LEO1: variants seen among roughly 807,000 people sequenced by gnomAD.
LEO1 encodes the protein LEO1 component of Paf1/RNA polymerase II complex, also known as RNA polymerase-associated protein LEO1.
In LEO1, 34 loss-of-function variants were observed where a neutral mutation model predicts 80.4. The ratio of observed to expected loss-of-function variants is 0.42; its 90% CI spans 0.32 to 0.56. The LOEUF is 0.56. LEO1 is among the 20% of genes least tolerant of loss of function. LEO1 has a pLI of 0.10. For synonymous variants in LEO1, 262 were observed against 274.9 expected (o/e 0.95, Z 0.46); for missense variants, 631 against 814.2 (o/e 0.77, Z 2.74).
intron 2 of LEO1, among the ~76,000 whole-genome samples, chr15:51,963,179 G>A (rs2057045221): frequency 6.6e-6 from 1 of 152,100 alleles, no homozygotes; most frequent in East Asian, 1.9e-4. Flanking sequence ...AGGAGGCTGA[G>A]GCAAGAGAAT....
chr15:51,963,472 A>G (rs1466559375), intron 2 of LEO1, among the ~76,000 whole-genome samples: 1 of 152,172 alleles, frequency 6.6e-6, no homozygotes, highest in East Asian at 1.9e-4. Flanking sequence ...CAACAGAACC[A>G]CTGTTGAACT....
intron 7 of LEO1, among the ~76,000 whole-genome samples, chr15:51,954,156 C>T (rs2056969945): frequency 6.6e-6 from 1 of 151,454 alleles, no homozygotes; most frequent in Non-Finnish European, 1.5e-5. Context: ...AACTCCTGAC[C>T]TCGTGATCCA....
chr15:51,957,458 C>T (rs184756218), intron 6 of LEO1, among the ~76,000 whole-genome samples: 3 of 151,180 alleles, frequency 2.0e-5, no homozygotes, highest in African/African-American at 7.3e-5. Flanking sequence ...GGAGGGAGGA[C>T]AGGAAAAAAA....
At chr15:51,969,028 G>C (rs947180730) in intron 1 of LEO1, among the ~76,000 whole-genome samples, 1 of 152,100 alleles carries the variant, frequency 6.6e-6, no homozygotes, top group African/African-American at 2.4e-5. Context: ...GAGTACAGTG[G>C]TGCAATCTTG....
chr15:51,944,568 C>T (rs995357508), intron 11 of LEO1, among the ~76,000 whole-genome samples: 1 of 152,014 alleles, frequency 6.6e-6, no homozygotes, highest in Admixed American at 6.6e-5. Flanking sequence ...AATAATCATG[C>T]TGTCTGGTAC....
At chr15:51,961,392 G>A (rs532734177) in intron 3 of LEO1, among the ~76,000 whole-genome samples, 9 of 151,084 alleles carry the variant, frequency 6.0e-5, no homozygotes, top group African/African-American at 2.0e-4. Flanking sequence ...TGGTGGTTGC[G>A]GTTGTTGTTG....
Position 51,966,046 on chromosome 15 carries a change from C to G in LEO1, c.517G>C (p.Glu173Gln). ...TCGTCAGAATTCTGCAGCTTATCTTCATCAGATCCTTGTGCCCTCTCCTCA... is the reference window on the plus strand; with the variant it reads ...TCGTCAGAATTCTGCAGCTTATCTTGATCAGATCCTTGTGCCCTCTCCTCA... ...DDEERAQGSD[E>Q]DKLQNSDDDE... The change falls in exon 2 of 12, where the codon GAA becomes CAA. Residue 173 changes from glutamate to glutamine, a missense_variant. Around this residue, in one of 4 missense-constraint regions of LEO1, gnomAD observed 394 missense variants for 395.6 expected, o/e 1.00. Transcript: ENST00000299601. 1 of 1,614,120 alleles carries G rather than the reference C, an allele frequency of 6.2e-7. No homozygotes were observed. The highest frequency in any genetic ancestry group is 8.5e-7 in the Non-Finnish European group (1 of 1,180,044).
intron 1 of LEO1, among the ~76,000 whole-genome samples, chr15:51,967,839 CAT>C (rs1416609130): frequency 6.6e-6 from 1 of 152,150 alleles, no homozygotes; most frequent in African/African-American, 2.4e-5. Flanking sequence ...CAAAAGAAAA[CAT>C]AAATTGGACT....
intron 8 of LEO1, among the ~76,000 whole-genome samples, chr15:51,952,447 TCTAA>T (rs1280684306): frequency 5.3e-5 from 8 of 151,866 alleles, no homozygotes; most frequent in East Asian, 1.9e-4. Context: ...CAAATATGAG[TCTAA>T]CTGATTCCAA....
intron 6 of LEO1, among the ~76,000 whole-genome samples, chr15:51,955,740 C>A (rs900152679): frequency 3.3e-5 from 5 of 152,198 alleles, no homozygotes; most frequent in African/African-American, 1.2e-4. Context: ...CCACGGAGAT[C>A]GTCTGGATCT....
chr15:51,969,243 G>A (rs1015727076), intron 1 of LEO1, among the ~76,000 whole-genome samples: 1 of 152,040 alleles, frequency 6.6e-6, no homozygotes, highest in South Asian at 2.1e-4. Context: ...ACAGGCGTGA[G>A]CCACTGTGCC....
rs777857526 is a variant in LEO1 at position 51,965,742 on chromosome 15, G to A, written c.814+7C>T. The A allele has an allele frequency of 6.3e-7, 1 of 1,598,438 alleles. No homozygotes were observed. The highest frequency in any genetic ancestry group is 8.5e-7 in the Non-Finnish European group (1 of 1,172,902). ...CTGAGCCATTCTGGTTCTCATAAAT[G>A]TATTACCTGATTTATGATCCTGTTC... On this transcript the variant is annotated splice_region_variant and intron_variant, in intron 2 of 11. Coordinates refer to ENST00000299601, the MANE Select transcript of LEO1 (RefSeq NM_138792.4).
In LEO1 at chr15:51,966,482, T is replaced by TGAGTCAGATCCAGAATCA. The variant is rs1566888552; in HGVS notation, c.63_80dup (p.Gly24_Ser29dup). 6.2e-7 allele frequency: 1 copy of TGAGTCAGATCCAGAATCA among 1,604,090 alleles called. No individual in the cohort carries two copies. Among genetic ancestry groups the TGAGTCAGATCCAGAATCA allele is most frequent in the South Asian group, 1.1e-5 (1 of 90,378 alleles). ...AGGCAGCATTCTCTTGATCAGAATC[T>TGAGTCAGATCCAGAATCA]GAGTCAGATCCAGAATCAGAATCTA... On this transcript the variant is annotated inframe_insertion, in exon 2 of 12. Coordinates refer to ENST00000299601, the MANE Select transcript of LEO1 (RefSeq NM_138792.4).
chr15:51,944,225 A>G (rs2056881081), intron 11 of LEO1, among the ~76,000 whole-genome samples: 1 of 152,250 alleles, frequency 6.6e-6, no homozygotes, highest in South Asian at 2.1e-4. Context: ...GACTTGTCAC[A>G]TGCAAGGGAA....
chr15:51,958,350 G>A (rs2057005436), intron 6 of LEO1, among the ~76,000 whole-genome samples: 1 of 152,004 alleles, frequency 6.6e-6, no homozygotes, highest in Admixed American at 6.6e-5. Flanking sequence ...AGCTACTCAG[G>A]AGGCTGAGAT....
At chr15:51,964,075 G>A (rs1375717556) in intron 2 of LEO1, among the ~76,000 whole-genome samples, 14 of 151,670 alleles carry the variant, frequency 9.2e-5, no homozygotes, top group African/African-American at 3.2e-4. Flanking sequence ...GCGTGGTGGC[G>A]GGTGCCTGTA....
In LEO1 at chr15:51,962,398, C is replaced by G; in HGVS notation, c.910G>C (p.Val304Leu). The stretch of plus-strand genomic sequence containing the variant: ...ATAATAATAGGGATACCTTTTGGCA[C>G]CTCAGTGTCACTATCCGCTTCTGAA... The part of the protein sequence containing the change: ...SDSEADSDTE[V>L]PKDNSGTMDL... Residue 304 changes from valine (V) to leucine (L), a missense_variant, in exon 3 of 12, where the codon GTG (valine) becomes CTG (leucine). Around this residue, in one of 4 missense-constraint regions of LEO1, gnomAD observed 394 missense variants for 395.6 expected, o/e 1.00. Transcript: ENST00000299601. 4.4e-6 allele frequency: 7 copies of G among 1,608,428 alleles called. No individual in the cohort carries two copies. The highest frequency in any genetic ancestry group is 5.1e-6 in the Non-Finnish European group (6 of 1,175,652).
intron 2 of LEO1, among the ~76,000 whole-genome samples, chr15:51,963,706 G>A (rs907298814): frequency 1.3e-4 from 20 of 151,254 alleles, no homozygotes; most frequent in Admixed American, 7.9e-4. Context: ...GTTCGAGACC[G>A]GCCAGGCCAA....
chr15:51,969,779 T>C (rs764278081), intron 1 of LEO1, among the ~76,000 whole-genome samples: 23 of 149,070 alleles, frequency 1.5e-4, no homozygotes, highest in Non-Finnish European at 3.2e-4. Context: ...AGGCGGAGGT[T>C]GCAGTGAGCC....
Sources: gnomAD v4.1 joint callset for allele counts (sites outside exome capture counted in the v4.1 genomes callset) on GRCh38, gnomAD v4.1.1 for gene constraint, gnomAD v4.1.1 regional missense constraint, MANE v1.5 for transcripts, NCBI Gene and HGNC (gene_info 2026-07-23, HGNC 2026-07-21) for gene names.